Variants in EXOSC7 observed in about 807,000 individuals in gnomAD.
The protein encoded by EXOSC7 is exosome component 7.
A neutral mutation model predicts 34.3 loss-of-function variants in EXOSC7; 25 were observed. That is an observed-to-expected ratio of 0.73 (90% CI 0.53 to 1.02). The LOEUF (loss-of-function observed/expected upper bound fraction) is 1.02, where lower values mean the gene tolerates loss of function less well. Ranked by LOEUF, EXOSC7 falls within the 50% of genes least tolerant of loss-of-function variation. The probability of loss-of-function intolerance (pLI) is 0.00; values close to 1 mark genes in which losing one functional copy is unlikely to be tolerated. For synonymous variants in EXOSC7, 130 were observed against 143.0 expected, an observed-to-expected ratio of 0.91 and a Z score of 0.65; for missense variants, 370 against 368.5, an observed-to-expected ratio of 1.00 and a Z score of -0.03.
At chr3:44,979,263 T>C (rs2125960360) in intron 1 of EXOSC7, among the ~76,000 whole-genome samples, 1 of 152,318 alleles carries the variant, frequency 6.6e-6, no homozygotes, top group Non-Finnish European at 1.5e-5. Context: ...GCGTTGGTTA[T>C]AGAGTGCCGG....
intron 4 of EXOSC7, 42 bp downstream of exon 4, chr3:44,997,294 T>C (rs1200181901): frequency 1.3e-6 from 2 of 1,563,388 alleles, no homozygotes; most frequent in East Asian, 2.3e-5. Flanking sequence ...CTACCTTTGT[T>C]GGAAAGACTA....
At chr3:44,982,665 A>T (rs1706302219) in intron 1 of EXOSC7, among the ~76,000 whole-genome samples, 1 of 152,188 alleles carries the variant, frequency 6.6e-6, no homozygotes, top group Non-Finnish European at 1.5e-5. Context: ...TTCAACTATG[A>T]GATTGAGCAG....
At chr3:44,999,063 A>T (rs1706803982) in intron 4 of EXOSC7, among the ~76,000 whole-genome samples, 1 of 152,220 alleles carries the variant, frequency 6.6e-6, no homozygotes, top group Admixed American at 6.5e-5. Flanking sequence ...CTCAGTATTC[A>T]TGCACACTTG....
At chr3:44,997,575 A>AT (rs545368088) in intron 4 of EXOSC7, among the ~76,000 whole-genome samples, 62 of 152,344 alleles carry the variant, frequency 4.1e-4, no homozygotes, top group Middle Eastern at 3.4e-3. Context: ...CATGGGCAGA[A>AT]TTTAAGCAGG....
intron 4 of EXOSC7, among the ~76,000 whole-genome samples, chr3:45,001,025 T>C (rs912707183): frequency 3.3e-5 from 5 of 152,144 alleles, no homozygotes; most frequent in Admixed American, 3.3e-4. Context: ...AAGGACTGTG[T>C]CAGTGAGTTG....
At chr3:44,989,048 C>T in intron 1 of EXOSC7, 92 bp from the exon 2 acceptor site, 1 of 786,774 alleles carries the variant, frequency 1.3e-6, no homozygotes, top group South Asian at 1.6e-5. Context: ...AGATATTCTG[C>T]ATATATCTTC....
At chr3:45,007,360 C>G in intron 6 of EXOSC7, 60 bp from the exon 7 acceptor site, 1 of 1,586,586 alleles carries the variant, frequency 6.3e-7, no homozygotes, top group South Asian at 1.1e-5. Flanking sequence ...ACGAGGCCAT[C>G]AGGGGTGGGA....
At position 45,001,622 on chromosome 3, in the gene EXOSC7, G is replaced by C; in HGVS notation, c.491+14G>C. The C allele has an allele frequency of 1.3e-6, 2 of 1,595,666 alleles. No individual in the cohort carries two copies. Among genetic ancestry groups the C allele is most frequent in the Non-Finnish European group, 1.7e-6 (2 of 1,163,368 alleles). ...CTTCAATACAAGGTAAGTCTTCCTA[G>C]AAACAGCTCTGCGAACCTGTGGAGA... On this transcript the variant is annotated intron_variant, in intron 5 of 7. Transcript: ENST00000265564.
At chr3:44,984,512 C>T (rs1414854309) in intron 1 of EXOSC7, among the ~76,000 whole-genome samples, 1 of 151,852 alleles carries the variant, frequency 6.6e-6, no homozygotes, top group Non-Finnish European at 1.5e-5. Flanking sequence ...ACCCTGTGAC[C>T]TTGTGGCCAG....
At chr3:45,011,061 T>C (rs914609002) in intron 7 of EXOSC7, among the ~76,000 whole-genome samples, 174 bp from the exon 8 acceptor site, 4 of 152,196 alleles carry the variant, frequency 2.6e-5, no homozygotes, top group Non-Finnish European at 4.4e-5. Flanking sequence ...ATTTATTATG[T>C]TGTTGGGGTC....
At position 44,997,204 on chromosome 3, in the gene EXOSC7, C is replaced by T. The variant is rs777475531; in HGVS notation, c.372C>T (p.Leu124=). 5 of 1,614,072 alleles carry T rather than the reference C, an allele frequency of 3.1e-6. No homozygotes were observed. Among genetic ancestry groups the T allele is most frequent in the African/African-American group, 1.3e-5 (1 of 75,020 alleles). ...NNKSSVDLKT[L]CISPREHCWV... ...AAAGCAGTGTCGACTTAAAGACCCT[C>T]TGCATTAGTCCTCGGGAGCACTGCT... The change falls in exon 4 of 8, where the codon CTC becomes CTT. Residue 124 remains leucine (L), a synonymous_variant. Coordinates refer to ENST00000265564, the MANE Select transcript of EXOSC7 (RefSeq NM_015004.4).
intron 1 of EXOSC7, among the ~76,000 whole-genome samples, chr3:44,979,342 C>T (rs1417221362): frequency 6.6e-6 from 1 of 152,204 alleles, no homozygotes; most frequent in Non-Finnish European, 1.5e-5. Flanking sequence ...TTGTGTTTTA[C>T]TTTTCACCTT....
intron 1 of EXOSC7, among the ~76,000 whole-genome samples, chr3:44,981,859 G>A (rs1214237334): frequency 6.6e-6 from 1 of 152,130 alleles, no homozygotes; most frequent in Non-Finnish European, 1.5e-5. Flanking sequence ...ACTCCAGCCT[G>A]GGTGACAGAG....
chr3:44,997,281 A>G (rs973035553), intron 4 of EXOSC7, 29 bp downstream of exon 4: 1 of 1,571,278 alleles, frequency 6.4e-7, no homozygotes. Context: ...TACTGGCCAC[A>G]TTCTACCTTT....
In EXOSC7 at chr3:44,990,948, C is replaced by A. The variant is rs193027500; in HGVS notation, c.254+1304C>A. Among the ~76,000 whole-genome samples, 108 of 152,310 alleles carry A rather than the reference C, an allele frequency of 7.1e-4. No individual in the cohort carries two copies. In the Middle Eastern group the frequency reaches 0.024, roughly 34 times the overall value. On this transcript the variant is annotated intron_variant, in intron 3 of 7. Coordinates refer to ENST00000265564, the MANE Select transcript of EXOSC7 (RefSeq NM_015004.4). ...CCTTTTTTGCACAAATGTTAACCCA[C>A]TTTTGTAGGGTGAGTTACAGTCTTC...
chr3:44,979,245 CTT>C (rs1156326083), intron 1 of EXOSC7, among the ~76,000 whole-genome samples: 1 of 152,182 alleles, frequency 6.6e-6, no homozygotes, highest in Admixed American at 6.5e-5. Context: ...ATCTCCTAAA[CTT>C]TTGTTGCGTT....
Position 45,011,399 on chromosome 3 carries a change from T to G in EXOSC7, c.*60T>G. ...TTACTTTTCCTTTTAAACCGGTTCG[T>G]ATATATTTTTCTTCGCTGTTACGAA... On this transcript the variant is annotated 3_prime_UTR_variant, in exon 8 of 8. Transcript: ENST00000265564. 1 of 1,083,922 alleles carries G rather than the reference T, an allele frequency of 9.2e-7. No individual in the cohort carries two copies. The highest frequency in any genetic ancestry group is 1.4e-6 in the Non-Finnish European group (1 of 733,170). 67.1% of individuals were successfully genotyped at this position (1,083,922 alleles called of 1,614,324 possible). A position where few individuals can be genotyped will look rare whatever the true frequency, so the allele number is the denominator to read the frequency against.
chr3:44,977,650 G>C (rs1218015764), intron 1 of EXOSC7, among the ~76,000 whole-genome samples: 1 of 152,204 alleles, frequency 6.6e-6, no homozygotes, highest in Non-Finnish European at 1.5e-5. Flanking sequence ...CCCAAAAGCA[G>C]TTAGATATGT....
chr3:45,011,699 CA>C (rs1290906145), downstream of EXOSC7, among the ~76,000 whole-genome samples: 2 of 152,284 alleles, frequency 1.3e-5, no homozygotes, highest in African/African-American at 4.8e-5. Flanking sequence ...ATAAGAATCA[CA>C]AAGAAAAGTT....
Sources: allele counts gnomAD v4.1 joint callset (sites outside exome capture counted in the v4.1 genomes callset), GRCh38; gene constraint gnomAD v4.1.1; transcripts MANE v1.5; gene names NCBI Gene and HGNC (gene_info 2026-07-23, HGNC 2026-07-21).